SLC2A14: variants seen among roughly 807,000 people sequenced by gnomAD.
The protein encoded by SLC2A14 is solute carrier family 2 member 14.
SLC2A14 carries 13 observed loss-of-function variants against 43.0 expected under a neutral mutation model. The ratio of observed to expected loss-of-function variants is 0.30; its 90% CI spans 0.20 to 0.48. The LOEUF (loss-of-function observed/expected upper bound fraction) is 0.48. SLC2A14 is among the 20% of genes least tolerant of loss of function. SLC2A14 has a pLI of 0.99. For missense variants in SLC2A14, 428 were observed against 620.4 expected (o/e 0.69, Z 3.29); for synonymous variants, 190 against 233.8 (o/e 0.81, Z 1.71).
At chr12:7,841,790 G>C (rs1036987826) in intron 2 of SLC2A14, among the ~76,000 whole-genome samples, 1 of 151,872 alleles carries the variant, frequency 6.6e-6, no homozygotes, top group Non-Finnish European at 1.5e-5. Context: ...GGCAGATCAC[G>C]AGGTCAGGAG....
chr12:7,862,029 G>A (rs1389932297), intron 2 of SLC2A14, among the ~76,000 whole-genome samples: 8 of 150,764 alleles, frequency 5.3e-5, no homozygotes, highest in Admixed American at 5.3e-4. Context: ...ACTTTGGGAG[G>A]CCAAGTCAGG....
chr12:7,878,852 C>T (rs1164255342), intron 1 of SLC2A14, among the ~76,000 whole-genome samples: 1 of 151,450 alleles, frequency 6.6e-6, no homozygotes, highest in Non-Finnish European at 1.5e-5. Context: ...TGGCACCTGC[C>T]TGTAATCCCA....
chr12:7,881,565 G>A (rs917752764), intron 1 of SLC2A14, among the ~76,000 whole-genome samples: 9 of 152,078 alleles, frequency 5.9e-5, no homozygotes, highest in South Asian at 2.1e-4. Flanking sequence ...GAGCCTCCCC[G>A]CTCCACCTCC....
chr12:7,837,108 A>G (rs1865524040), intron 2 of SLC2A14, among the ~76,000 whole-genome samples: 1 of 151,590 alleles, frequency 6.6e-6, no homozygotes. Context: ...CAGAGGTTAC[A>G]GTGAGCCAAA....
chr12:7,840,160 C>CTT (rs58740298), intron 2 of SLC2A14, among the ~76,000 whole-genome samples: 5 of 68,800 alleles, frequency 7.3e-5, no homozygotes, highest in Non-Finnish European at 9.4e-5. Flanking sequence ...GAGTTTGCTC[C>CTT]TTTTTTTTTT....
At chr12:7,880,249 G>A (rs1373008076) in intron 1 of SLC2A14, among the ~76,000 whole-genome samples, 2 of 151,492 alleles carry the variant, frequency 1.3e-5, no homozygotes, top group Admixed American at 6.6e-5. Flanking sequence ...GCAGTGAGCC[G>A]AGATCGCGCC....
chr12:7,848,360 T>C (rs1415285475), intron 2 of SLC2A14, among the ~76,000 whole-genome samples: 1 of 148,724 alleles, frequency 6.7e-6, no homozygotes, highest in Non-Finnish European at 1.5e-5. Flanking sequence ...TCAATATTTG[T>C]ATCTCAGATT....
chr12:7,814,164 C>T lies in SLC2A14; in HGVS notation c.*152G>A. On this transcript the variant is annotated 3_prime_UTR_variant, in exon 11 of 11. Transcript: ENST00000431042. The stretch of plus-strand genomic sequence containing the variant: ...AAGCCATTGAAGATCCAACAAACTG[C>T]AGCCTTGGGGTGCTCATGGAGTGCG... 4 of 1,432,134 alleles carry T rather than the reference C, an allele frequency of 2.8e-6. No homozygotes were observed. Among genetic ancestry groups the T allele is most frequent in the Non-Finnish European group, 1.9e-6 (2 of 1,065,800 alleles). 88.7% of individuals were successfully genotyped at this position (1,432,134 alleles called of 1,614,324 possible).
chr12:7,833,078 G>A (rs1340529424), intron 2 of SLC2A14, among the ~76,000 whole-genome samples: 2 of 152,152 alleles, frequency 1.3e-5, no homozygotes, highest in Admixed American at 1.3e-4. Context: ...AGAGAAACTG[G>A]GTTGGTCAGT....
intron 1 of SLC2A14, among the ~76,000 whole-genome samples, chr12:7,889,657 T>C (rs1945743877): frequency 6.6e-6 from 1 of 150,900 alleles, no homozygotes; most frequent in East Asian, 1.9e-4. Flanking sequence ...TGCTTCAGCC[T>C]CCCAAGTAGG....
In SLC2A14 at chr12:7,878,789, C is replaced by T. The variant is rs189243180; in HGVS notation, c.132+12207G>A. ...GTCAGGAGATTGAGACCATCCTGGC[C>T]AACATGGTGAAACCCTGTTGCTAAT... On this transcript the variant is annotated intron_variant, in intron 1 of 9. Transcript: ENST00000539924. Among the ~76,000 whole-genome samples, 240 of 151,208 alleles carry T rather than the reference C, an allele frequency of 1.6e-3. 2 individuals carry two copies. The highest frequency in any genetic ancestry group is 4.4e-3 in the African/African-American group (182 of 41,224).
upstream of SLC2A14, among the ~76,000 whole-genome samples, chr12:7,875,805 T>C (rs988458279): frequency 1.3e-5 from 2 of 151,992 alleles, no homozygotes; most frequent in African/African-American, 4.8e-5. Context: ...AAAGACCCCG[T>C]CTCTACTAAA....
chr12:7,874,750 A>AAC (rs1565584430), upstream of SLC2A14, among the ~76,000 whole-genome samples: 2 of 110,268 alleles, frequency 1.8e-5, no homozygotes, highest in Non-Finnish European at 3.5e-5. Context: ...AATATATATA[A>AAC]ATATTTATAT....
At chr12:7,868,488 C>T (rs1337896786) in intron 2 of SLC2A14, among the ~76,000 whole-genome samples, 1 of 152,106 alleles carries the variant, frequency 6.6e-6, no homozygotes, top group Non-Finnish European at 1.5e-5. Flanking sequence ...CCGTCCATTC[C>T]ACCATTTTCT....
chr12:7,834,295 T>G (rs1865264540), intron 2 of SLC2A14, among the ~76,000 whole-genome samples: 1 of 152,006 alleles, frequency 6.6e-6, no homozygotes, highest in Non-Finnish European at 1.5e-5. Flanking sequence ...AAGGCTGGTC[T>G]CAAACTCCCA....
chr12:7,838,455 CTTCT>C (rs1330771972), intron 2 of SLC2A14, among the ~76,000 whole-genome samples: 1 of 152,152 alleles, frequency 6.6e-6, no homozygotes, highest in Non-Finnish European at 1.5e-5. Flanking sequence ...GTACCCCTTT[CTTCT>C]TTCTTATTTC....
intron 2 of SLC2A14, among the ~76,000 whole-genome samples, chr12:7,863,869 G>C (rs906787083): frequency 2.5e-4 from 37 of 149,840 alleles, no homozygotes; most frequent in Non-Finnish European, 5.0e-4. Flanking sequence ...AGGCTGGGGT[G>C]CAGTGGCATG....
intron 1 of SLC2A14, among the ~76,000 whole-genome samples, chr12:7,884,506 C>T (rs544192096): frequency 9.2e-5 from 14 of 152,094 alleles, no homozygotes; most frequent in Non-Finnish European, 1.5e-4. Flanking sequence ...GGATAACTCA[C>T]TACGTAGATA....
chr12:7,816,819 T>C (rs1201220714), intron 10 of SLC2A14, among the ~76,000 whole-genome samples: 1 of 151,926 alleles, frequency 6.6e-6, no homozygotes, highest in Non-Finnish European at 1.5e-5. Flanking sequence ...GCGATTCTCC[T>C]GCCTCAGCCT....
Sources: allele counts gnomAD v4.1 joint callset (sites outside exome capture counted in the v4.1 genomes callset), GRCh38; gene constraint gnomAD v4.1.1; transcripts MANE v1.5; gene names NCBI Gene and HGNC (gene_info 2026-07-23, HGNC 2026-07-21).